The following PKHD1L1 variants were observed in gnomAD, a reference collection of about 807,000 sequenced individuals.
PKHD1L1 encodes the protein PKHD1 like 1, also known as fibrocystin-L.
In PKHD1L1, 434 loss-of-function variants were observed where a neutral mutation model predicts 462.9. The observed-to-expected ratio is 0.94, with a 90% CI of 0.87 to 1.02. The LOEUF (loss-of-function observed/expected upper bound fraction) is 1.02. Ranked by LOEUF, PKHD1L1 falls within the 50% of genes least tolerant of loss-of-function variation. PKHD1L1 has a pLI of 0.00. For missense variants in PKHD1L1, 5,202 were observed against 5,096.1 expected, an observed-to-expected ratio of 1.02 and a Z score of -0.63; for synonymous variants, 1,781 against 1,750.0, an observed-to-expected ratio of 1.02 and a Z score of -0.44.
intron 27 of PKHD1L1, among the ~76,000 whole-genome samples, chr8:109,431,705 A>G (rs1363779154): frequency 6.6e-6 from 1 of 152,162 alleles, no homozygotes; most frequent in African/African-American, 2.4e-5. Context: ...GAGTACACCA[A>G]CTTACTAGTT....
At chr8:109,491,173 C>A in intron 61 of PKHD1L1, 72 bp downstream of exon 61, 1 of 1,394,394 alleles carries the variant, frequency 7.2e-7, no homozygotes, top group Non-Finnish European at 9.7e-7. Context: ...TCTAGAGCTA[C>A]ACTGCCCAAT....
chr8:109,465,849 A>C (rs1404721213), intron 49 of PKHD1L1, among the ~76,000 whole-genome samples: 1 of 152,192 alleles, frequency 6.6e-6, no homozygotes, highest in Non-Finnish European at 1.5e-5. Context: ...TTTTTTTAGC[A>C]TTTCAAGTTC....
chr8:109,400,798 G>A (rs1310902498), intron 13 of PKHD1L1, among the ~76,000 whole-genome samples: 1 of 151,728 alleles, frequency 6.6e-6, no homozygotes, highest in African/African-American at 2.4e-5. Context: ...GGTGTTTTAT[G>A]ACCACAAATA....
Position 109,464,550 on chromosome 8 carries a change from A to G in PKHD1L1, c.7718A>G (p.His2573Arg). Residue 2573 changes from histidine (H) to arginine (R), a missense_variant, in exon 49 of 78, where the codon CAC becomes CGC. This residue lies in a region of PKHD1L1 where 4,497 missense variants were observed against 4,336.8 expected (regional missense o/e 1.04). Transcript: ENST00000378402. ...ACCAACCCGAACAATACCATACGAC[A>G]CAATGCTGTTGCTGGTGGCACTCAC... ...WVTNPNNTIRHNAVAGGTHFG... is the reference protein window; with the variant it reads ...WVTNPNNTIRRNAVAGGTHFG... The G allele has an allele frequency of 6.2e-7, 1 of 1,613,638 alleles. No individual in the cohort carries two copies. The highest frequency in any genetic ancestry group is 8.5e-7 in the Non-Finnish European group (1 of 1,179,774).
rs757313613 is a variant in PKHD1L1 at position 109,438,344 on chromosome 8, T to C, written c.3648T>C (p.Asp1216=). The change falls in exon 31 of 78, where the codon GAT becomes GAC. Residue 1216 remains aspartate, a synonymous_variant. Transcript: ENST00000378402. ...RTPKKTEGTV[D]ISVTTNGFQA... is the part of the protein sequence containing the mutation. ...TTTAGAAAACTGAGGGTACAGTTGA[T>C]ATTTCAGTTACTACCAATGGATTTC... 3.1e-5 allele frequency: 48 copies of C among 1,525,096 alleles called. No individual in the cohort carries two copies. In the Middle Eastern group the frequency reaches 6.8e-4, roughly 22 times the overall value. The allele number at this position is 1,525,096 out of a possible 1,614,324, so 94.5% of individuals were successfully genotyped here.
At chr8:109,527,876 G>A (rs1037632704) in intron 77 of PKHD1L1, among the ~76,000 whole-genome samples, 2 of 152,166 alleles carry the variant, frequency 1.3e-5, no homozygotes, top group East Asian at 1.9e-4. Context: ...CCAGAGAAAA[G>A]CCCCAAAGCT....
rs1820375381 is a variant in PKHD1L1, at chr8:109,518,307, T to C, written c.11830T>C (p.Leu3944=). ...TATVIFVSFQ[L]SVATEDDFYT... is the part of the protein sequence containing the mutation. ...CACAGTGATATTTGTTTCTTTCCAA[T>C]TATCTGTTGCAACAGAAGATGACTT... Residue 3944 remains leucine (L), a synonymous_variant, in exon 73 of 78, where the codon TTA becomes CTA. Coordinates refer to ENST00000378402, the MANE Select transcript of PKHD1L1 (RefSeq NM_177531.6). 1.2e-6 allele frequency: 2 copies of C among 1,613,168 alleles called. No individual in the cohort carries two copies. Among genetic ancestry groups the C allele is most frequent in the Non-Finnish European group, 1.7e-6 (2 of 1,179,292 alleles).
intron 50 of PKHD1L1, among the ~76,000 whole-genome samples, chr8:109,467,615 G>T (rs1265133668): frequency 6.6e-6 from 1 of 151,980 alleles, no homozygotes. Context: ...GACTGGCTCA[G>T]ATCTGTATCT....
intron 18 of PKHD1L1, 86 bp downstream of exon 18, chr8:109,408,292 G>A: frequency 8.0e-7 from 1 of 1,246,642 alleles, no homozygotes; most frequent in Non-Finnish European, 1.1e-6. Flanking sequence ...ATGGGAAAGA[G>A]ATGTTACTTC....
At chr8:109,502,985 C>CGTTTAGA (rs1819503829) in intron 67 of PKHD1L1, among the ~76,000 whole-genome samples, 2 of 152,170 alleles carry the variant, frequency 1.3e-5, no homozygotes. Flanking sequence ...AGGGAACTCT[C>CGTTTAGA]AAGTGGCTAA....
At chr8:109,518,648 C>A (rs7842842) in intron 73 of PKHD1L1, 140 bp downstream of exon 73, 2 of 626,376 alleles carry the variant, frequency 3.2e-6, no homozygotes, top group Non-Finnish European at 5.3e-6. Flanking sequence ...GCCCAGAGAC[C>A]CTTTTTCCTT....
intron 4 of PKHD1L1, 66 bp from the exon 5 acceptor site, chr8:109,384,004 A>G: frequency 1.9e-6 from 2 of 1,040,054 alleles, no homozygotes; most frequent in Non-Finnish European, 3.0e-6. Context: ...GTAAGAAATT[A>G]TCTATTTCAC....
intron 2 of PKHD1L1, among the ~76,000 whole-genome samples, chr8:109,374,974 G>C (rs570033198): frequency 4.6e-5 from 7 of 152,232 alleles, no homozygotes; most frequent in Non-Finnish European, 1.5e-5. Context: ...TGACAATTAT[G>C]TGTCTTGGAG....
rs530650629 is a variant in PKHD1L1 at position 109,404,614 on chromosome 8, G to C, written c.1434G>C (p.Leu478=). The C allele has an allele frequency of 2.5e-6, 4 of 1,607,250 alleles. No homozygotes were observed. The Admixed American group carries it at 6.8e-5, about 27-fold the overall frequency. Residue 478 remains leucine (L), a synonymous_variant, in exon 15 of 78, where the codon CTG becomes CTC. Coordinates refer to ENST00000378402, the MANE Select transcript of PKHD1L1 (RefSeq NM_177531.6). ...YRLSAFVDVG[L]YQYRNVYTEQ... ...TAAGTGCATTTGTTGATGTTGGACT[G>C]TACCAGTATCGAAATGTTTATACTG...
At chr8:109,416,705 C>G (rs1377467139) in intron 21 of PKHD1L1, among the ~76,000 whole-genome samples, 1 of 152,044 alleles carries the variant, frequency 6.6e-6, no homozygotes, top group East Asian at 1.9e-4. Flanking sequence ...GTCACATAGG[C>G]AGATGCAATA....
chr8:109,432,066 T>A (rs917458989), intron 27 of PKHD1L1, among the ~76,000 whole-genome samples: 17 of 152,196 alleles, frequency 1.1e-4, no homozygotes, highest in Admixed American at 6.5e-4. Context: ...TACATGATCA[T>A]CCTTCATATG....
chr8:109,440,969 T>TA (rs1162972537), intron 33 of PKHD1L1, 117 bp downstream of exon 33: 1 of 1,258,706 alleles, frequency 7.9e-7, no homozygotes, highest in Admixed American at 2.4e-5. Flanking sequence ...TCTAGTAGCA[T>TA]AAAAAAGGTA....
intron 26 of PKHD1L1, 51 bp from the exon 27 acceptor site, chr8:109,429,878 TCTA>T: frequency 2.6e-6 from 3 of 1,169,556 alleles, no homozygotes; most frequent in Non-Finnish European, 3.8e-6. Flanking sequence ...CTATTCATAT[TCTA>T]CTGCTGCCTC....
Position 109,473,891 on chromosome 8 carries a change from G to A in PKHD1L1, c.8606-1227G>A, listed in dbSNP as rs999208798. ...GGCTCTTCTCTTTGTGAAGATAGAG[G>A]CTTAAGAAGTCAAACCTCACTGAGC... On this transcript the variant is annotated intron_variant, in intron 50 of 77. Coordinates refer to ENST00000378402, the MANE Select transcript of PKHD1L1 (RefSeq NM_177531.6). Among the ~76,000 whole-genome samples the A allele has an allele frequency of 3.3e-5, 5 of 152,138 alleles. No homozygotes were observed. The South Asian group carries it at 1.0e-3, about 32-fold the overall frequency.
Sources: gnomAD v4.1 joint callset for allele counts (sites outside exome capture counted in the v4.1 genomes callset) on GRCh38, gnomAD v4.1.1 for gene constraint, gnomAD v4.1.1 regional missense constraint, MANE v1.5 for transcripts, NCBI Gene and HGNC (gene_info 2026-07-23, HGNC 2026-07-21) for gene names.